SOX6: variants seen among roughly 807,000 people sequenced by gnomAD.
The protein encoded by SOX6 is SRY-box transcription factor 6.
SOX6 carries 11 observed loss-of-function variants against 97.8 expected under a neutral mutation model. The ratio of observed to expected loss-of-function variants is 0.11; its 90% CI spans 0.07 to 0.19. The LOEUF is 0.19. Ranked by LOEUF, SOX6 falls within the 10% of genes least tolerant of loss-of-function variation. The pLI is 1.00. For missense variants in SOX6, 810 were observed against 1,039.5 expected, an observed-to-expected ratio of 0.78 and a Z score of 3.04; for synonymous variants, 360 against 371.4, an observed-to-expected ratio of 0.97 and a Z score of 0.35.
chr11:16,545,235 C>T (rs1847604332), intron 4 of SOX6, among the ~76,000 whole-genome samples: 1 of 151,452 alleles, frequency 6.6e-6, no homozygotes, highest in Non-Finnish European at 1.5e-5. Flanking sequence ...TACATATGAG[C>T]TCTAAAAGAG....
At chr11:16,021,874 T>C (rs1855069187) in intron 12 of SOX6, among the ~76,000 whole-genome samples, 1 of 152,014 alleles carries the variant, frequency 6.6e-6, no homozygotes, top group South Asian at 2.1e-4. Context: ...TTCCAATGAG[T>C]ACTTCCTTTA....
intron 3 of SOX6, among the ~76,000 whole-genome samples, chr11:16,614,702 T>C (rs955027633): frequency 6.6e-6 from 1 of 152,160 alleles, no homozygotes; most frequent in African/African-American, 2.4e-5. Context: ...CCTCCAAGGC[T>C]TGGGGACATC....
chr11:16,638,214 C>A (rs1453002652), intron 3 of SOX6, among the ~76,000 whole-genome samples: 1 of 151,992 alleles, frequency 6.6e-6, no homozygotes, highest in African/African-American at 2.4e-5. Context: ...CTTCACCCAT[C>A]TCCCTACAAA....
rs149134045 is a variant in SOX6 at position 16,436,948 on chromosome 11, T to C, written c.-5+39367A>G. Among the ~76,000 whole-genome samples the C allele has an allele frequency of 4.6e-5, 7 of 152,240 alleles. No homozygotes were observed. In the East Asian group the frequency reaches 1.2e-3, roughly 25 times the overall value. On this transcript the variant is annotated intron_variant, in intron 1 of 15. Transcript: ENST00000396356. ...AAGCATAAAATCTGGCCAAAAAATG[T>C]AGGCACATTTAAGAATGTAAGGGCC...
chr11:16,619,184 T>C (rs1284689532), intron 3 of SOX6, among the ~76,000 whole-genome samples: 1 of 151,578 alleles, frequency 6.6e-6, no homozygotes, highest in African/African-American at 2.4e-5. Context: ...ATATCTAAGA[T>C]AATGTCAAAT....
In SOX6 at chr11:16,425,447, T is replaced by C. The variant is rs182142850; in HGVS notation, c.-5+50868A>G. On this transcript the variant is annotated intron_variant, in intron 1 of 15. Transcript: ENST00000396356. Reference sequence around the variant, plus strand: ...CTCTTACCACTCCTATTCAGCGTAGTATTGGAAGTCCTGGCCAGGGCAATC... The same window carrying C: ...CTCTTACCACTCCTATTCAGCGTAGCATTGGAAGTCCTGGCCAGGGCAATC... 1.2e-4 allele frequency among the ~76,000 whole-genome samples: 18 copies of C among 152,322 alleles called. No homozygotes were observed. The East Asian group carries it at 2.3e-3, about 20-fold the overall frequency.
intron 6 of SOX6, among the ~76,000 whole-genome samples, chr11:16,115,384 T>C (rs1277238154): frequency 6.6e-6 from 1 of 152,208 alleles, no homozygotes; most frequent in East Asian, 1.9e-4. Context: ...TTTAGGACAG[T>C]GATCTCAAAC....
At chr11:16,498,745 A>G (rs1412919965) in intron 4 of SOX6, among the ~76,000 whole-genome samples, 1 of 152,260 alleles carries the variant, frequency 6.6e-6, no homozygotes, top group Non-Finnish European at 1.5e-5. Context: ...GATCAATTCA[A>G]CAAAAAGAGC....
chr11:16,612,592 G>A (rs894765124), intron 3 of SOX6, among the ~76,000 whole-genome samples: 2 of 142,884 alleles, frequency 1.4e-5, no homozygotes, highest in African/African-American at 5.3e-5. Flanking sequence ...GGGCGGGGTT[G>A]GGAGTGGGGG....
intron 1 of SOX6, among the ~76,000 whole-genome samples, chr11:16,343,977 C>G (rs1856710353): frequency 6.6e-6 from 1 of 151,860 alleles, no homozygotes; most frequent in Non-Finnish European, 1.5e-5. Flanking sequence ...GAAAAGGAGA[C>G]AGGGGAGGTA....
At chr11:16,231,035 TA>T (rs1852831946) in intron 4 of SOX6, among the ~76,000 whole-genome samples, 1 of 151,776 alleles carries the variant, frequency 6.6e-6, no homozygotes, top group Non-Finnish European at 1.5e-5. Flanking sequence ...CATCAAAACA[TA>T]TTTAAGATGT....
intron 9 of SOX6, among the ~76,000 whole-genome samples, chr11:16,090,234 G>C (rs1848656324): frequency 6.6e-6 from 1 of 151,980 alleles, no homozygotes; most frequent in East Asian, 1.9e-4. Flanking sequence ...GAGAGATAGA[G>C]GACTACATTG....
At chr11:16,015,095 G>T in intron 12 of SOX6, 45 bp from the exon 13 acceptor site, 1 of 1,537,510 alleles carries the variant, frequency 6.5e-7, no homozygotes, top group Non-Finnish European at 9.0e-7. Context: ...TTCCAAAACA[G>T]CCACCATTTC....
At chr11:16,420,209 C>CA (rs578069606) in intron 1 of SOX6, among the ~76,000 whole-genome samples, 117 of 151,948 alleles carry the variant, frequency 7.7e-4, no homozygotes, top group African/African-American at 2.4e-3. Flanking sequence ...AGAGAAAGGT[C>CA]AAAAAAATGA....
intron 6 of SOX6, among the ~76,000 whole-genome samples, chr11:16,156,484 A>G (rs1056110486): frequency 2.2e-4 from 33 of 152,008 alleles, no homozygotes; most frequent in Non-Finnish European, 1.0e-4. Context: ...CTCCATTTCC[A>G]AGTTTCAAAC....
rs1338965161 is a variant in SOX6 at position 16,605,272 on chromosome 11, C to G, written n.609+6809G>C. Among the ~76,000 whole-genome samples, 1 of 152,088 alleles carries G rather than the reference C, an allele frequency of 6.6e-6. No homozygotes were observed. The highest frequency in any genetic ancestry group is 1.5e-5 in the Non-Finnish European group (1 of 67,998). ...AGAAACGTGCCGGCGACCGTGCGCT[C>G]GGCCGGGTGACTCCCTGGCGAAGTC... On this transcript the variant is annotated intron_variant and non_coding_transcript_variant, in intron 4 of 5. Coordinates refer to the SOX6 transcript ENST00000524520. This position sits in a 1 kb window ranked among gnomAD's most constrained non-coding sequence, Gnocchi z 5.3.
At chr11:16,402,953 TG>T in intron 1 of SOX6, 1 of 941,702 alleles carries the variant, frequency 1.1e-6, no homozygotes, top group Non-Finnish European at 1.6e-6. Flanking sequence ...TACACCAAGG[TG>T]GGGGAGAAAC....
chr11:16,374,078 C>T (rs1428075871), intron 1 of SOX6, among the ~76,000 whole-genome samples: 1 of 152,028 alleles, frequency 6.6e-6, no homozygotes, highest in Non-Finnish European at 1.5e-5. Context: ...GATATTATCT[C>T]AAAATATTAT....
intron 6 of SOX6, among the ~76,000 whole-genome samples, chr11:16,161,435 A>C (rs576757324): frequency 1.3e-5 from 2 of 151,914 alleles, no homozygotes; most frequent in African/African-American, 4.8e-5. Context: ...TTTAGTAGCT[A>C]ATAGGCTCTA....
Sources: allele counts gnomAD v4.1 joint callset (sites outside exome capture counted in the v4.1 genomes callset), GRCh38; gene constraint gnomAD v4.1.1; non-coding constraint Gnocchi (gnomAD v3.1); transcripts MANE v1.5; gene names NCBI Gene and HGNC (gene_info 2026-07-23, HGNC 2026-07-21).